ADGRB3: variants seen among roughly 807,000 people sequenced by gnomAD.
ADGRB3 encodes the protein adhesion G protein-coupled receptor B3.
ADGRB3 carries 37 observed loss-of-function variants against 193.4 expected under a neutral mutation model. That is an observed-to-expected ratio of 0.19 (90% CI 0.15 to 0.25). The LOEUF is 0.25. ADGRB3 is among the 10% of genes least tolerant of loss of function. The pLI is 1.00. For synonymous variants in ADGRB3, 690 were observed against 644.2 expected, an observed-to-expected ratio of 1.07 and a Z score of -1.08; for missense variants, 1,637 against 1,852.9, an observed-to-expected ratio of 0.88 and a Z score of 2.14.
At chr6:68,656,064 C>T (rs1171409564) in intron 3 of ADGRB3, among the ~76,000 whole-genome samples, 2 of 151,482 alleles carry the variant, frequency 1.3e-5, no homozygotes, top group African/African-American at 4.8e-5. Context: ...CCTTTTTCCT[C>T]CTGAGCAGAG....
intron 17 of ADGRB3, among the ~76,000 whole-genome samples, chr6:69,109,946 ATTTT>A (rs33959992): frequency 2.2e-4 from 29 of 129,626 alleles, no homozygotes; most frequent in South Asian, 1.6e-3. Flanking sequence ...GCCTTCTTTA[ATTTT>A]TTTTTTTTTT....
At chr6:69,068,878 T>C (rs1336048557) in intron 16 of ADGRB3, among the ~76,000 whole-genome samples, 1 of 152,168 alleles carries the variant, frequency 6.6e-6, no homozygotes, top group Admixed American at 6.6e-5. Flanking sequence ...TAAAACAGTA[T>C]TCTACATTTC....
chr6:68,729,722 C>T lies in ADGRB3; in HGVS notation c.757+90290C>T, dbSNP rs530038534. Reference sequence around the variant, plus strand: ...AATTACTGTTGCTATTATGGTGACACTTTTCAGAACACTTATATCAGTGCT... The same window carrying T: ...AATTACTGTTGCTATTATGGTGACATTTTTCAGAACACTTATATCAGTGCT... On this transcript the variant is annotated intron_variant, in intron 3 of 31. Transcript: ENST00000370598. Among the ~76,000 whole-genome samples, 5 of 151,644 alleles carry T rather than the reference C, an allele frequency of 3.3e-5. No homozygotes were observed. The South Asian group carries it at 1.0e-3, about 31-fold the overall frequency.
At chr6:69,355,180 A>T (rs1769312809) in intron 27 of ADGRB3, among the ~76,000 whole-genome samples, 1 of 152,208 alleles carries the variant, frequency 6.6e-6, no homozygotes, top group Non-Finnish European at 1.5e-5. Context: ...ATGAAATTTT[A>T]TCATTTCAAA....
chr6:68,765,660 T>A (rs59310513), intron 3 of ADGRB3, among the ~76,000 whole-genome samples: 7,228 of 152,080 alleles, frequency 0.048, 355 homozygotes, highest in African/African-American at 0.12. Context: ...CTTATTATAT[T>A]CATCTTTATT....
intron 3 of ADGRB3, among the ~76,000 whole-genome samples, chr6:68,872,040 A>AGT (rs567874178): frequency 0.31 from 47,416 of 151,800 alleles, 8,006 homozygotes; most frequent in East Asian, 0.59. Flanking sequence ...TTTGTGATTA[A>AGT]GTTATAAATT....
chr6:69,165,238 A>G (rs1002988553), intron 17 of ADGRB3, among the ~76,000 whole-genome samples: 8 of 152,108 alleles, frequency 5.3e-5, no homozygotes, highest in Non-Finnish European at 1.0e-4. Flanking sequence ...AAATGCATCT[A>G]CAACACAAGA....
At chr6:69,041,669 T>C (rs1246322174) in intron 13 of ADGRB3, among the ~76,000 whole-genome samples, 1 of 151,872 alleles carries the variant, frequency 6.6e-6, no homozygotes. Flanking sequence ...TGGAGAGCAG[T>C]AGTACAATCA....
At chr6:69,151,749 C>T (rs942395485) in intron 17 of ADGRB3, among the ~76,000 whole-genome samples, 1 of 152,120 alleles carries the variant, frequency 6.6e-6, no homozygotes, top group Non-Finnish European at 1.5e-5. Flanking sequence ...TTATATTATA[C>T]AGAAAGACTT....
At chr6:68,683,376 G>A (rs1764929387) in intron 3 of ADGRB3, among the ~76,000 whole-genome samples, 1 of 152,132 alleles carries the variant, frequency 6.6e-6, no homozygotes, top group Admixed American at 6.5e-5. Context: ...AGATGATACA[G>A]CCATAAAACA....
intron 3 of ADGRB3, among the ~76,000 whole-genome samples, chr6:68,806,771 G>C (rs1390411676): frequency 6.6e-6 from 1 of 151,836 alleles, no homozygotes; most frequent in African/African-American, 2.4e-5. Context: ...TATCTGCATG[G>C]TATTACCTTT....
intron 3 of ADGRB3, among the ~76,000 whole-genome samples, chr6:68,741,645 C>A (rs114341892): frequency 6.6e-6 from 1 of 152,200 alleles, no homozygotes; most frequent in Admixed American, 6.5e-5. Flanking sequence ...ACCTCACCCT[C>A]GCAAAGTTCT....
intron 22 of ADGRB3, 21 bp from the exon 23 acceptor site, chr6:69,330,485 C>G: frequency 6.3e-7 from 1 of 1,590,364 alleles, no homozygotes; most frequent in Non-Finnish European, 8.6e-7. Flanking sequence ...TTTGTTAGTT[C>G]TTATCTAATG....
At chr6:69,172,210 C>T (rs1001812241) in intron 17 of ADGRB3, among the ~76,000 whole-genome samples, 6 of 152,176 alleles carry the variant, frequency 3.9e-5, no homozygotes, top group East Asian at 1.9e-4. Flanking sequence ...CCACTGTAGA[C>T]ACTGTGTACT....
intron 3 of ADGRB3, among the ~76,000 whole-genome samples, chr6:68,804,118 C>T (rs1432194045): frequency 6.6e-6 from 1 of 152,160 alleles, no homozygotes; most frequent in East Asian, 1.9e-4. Flanking sequence ...CTTCCCATTG[C>T]CTGTGATAAA....
chr6:69,277,632 G>A lies in ADGRB3; in HGVS notation c.2814+38406G>A, dbSNP rs184696847. The stretch of plus-strand genomic sequence containing the variant: ...TGGCTGCATTTTAGAGTTATGATCT[G>A]CTGCTATGGATTTCTATAGAGCTAA... On this transcript the variant is annotated intron_variant, in intron 20 of 31. Coordinates refer to ENST00000370598, the MANE Select transcript of ADGRB3 (RefSeq NM_001704.3). Among the ~76,000 whole-genome samples the A allele has an allele frequency of 4.7e-4, 71 of 152,218 alleles. 1 individual carries two copies. Among genetic ancestry groups the A allele is most frequent in the African/African-American group, 1.6e-3 (67 of 41,546 alleles).
intron 16 of ADGRB3, among the ~76,000 whole-genome samples, chr6:69,064,149 G>A (rs867740009): frequency 1.3e-5 from 2 of 151,856 alleles, no homozygotes; most frequent in Non-Finnish European, 2.9e-5. Context: ...TAGTTTTATA[G>A]AAAAATGATA....
intron 3 of ADGRB3, among the ~76,000 whole-genome samples, chr6:68,876,339 A>T (rs1765592843): frequency 6.6e-6 from 1 of 152,142 alleles, no homozygotes; most frequent in African/African-American, 2.4e-5. Context: ...CAACAAAGAG[A>T]TGATCAGGCT....
At chr6:68,801,246 C>G (rs1197591063) in intron 3 of ADGRB3, among the ~76,000 whole-genome samples, 1 of 152,190 alleles carries the variant, frequency 6.6e-6, no homozygotes, top group East Asian at 1.9e-4. Context: ...CTCTTTCCTA[C>G]TTAGTGTCAT....
Sources: allele counts gnomAD v4.1 joint callset (sites outside exome capture counted in the v4.1 genomes callset), GRCh38; gene constraint gnomAD v4.1.1; transcripts MANE v1.5; gene names NCBI Gene and HGNC (gene_info 2026-07-23, HGNC 2026-07-21).